The following WDR19 variants were observed in gnomAD, a reference collection of about 807,000 sequenced individuals.
WDR19 encodes WD repeat-containing protein 19.
In WDR19, 121 loss-of-function variants were observed where a neutral mutation model predicts 180.0. The ratio of observed to expected loss-of-function variants is 0.67; its 90% confidence interval spans 0.58 to 0.78. The LOEUF (loss-of-function observed/expected upper bound fraction) is 0.78. Ranked by LOEUF, WDR19 falls within the 30% of genes least tolerant of loss-of-function variation. The pLI, the probability that WDR19 is intolerant of heterozygous loss-of-function variation, is 0.00. For synonymous variants in WDR19, 497 were observed against 540.7 expected (o/e 0.92, Z 1.12); for missense variants, 1,450 against 1,640.7 (o/e 0.88, Z 2.01).
intron 6 of WDR19, among the ~76,000 whole-genome samples, chr4:39,200,710 C>T (rs140464168): frequency 2.1e-3 from 323 of 152,216 alleles, no homozygotes; most frequent in African/African-American, 7.1e-3. Flanking sequence ...ATATTTTGTT[C>T]TTTAGAAGTG....
chr4:39,226,166 T>C (rs548884283), intron 15 of WDR19, among the ~76,000 whole-genome samples: 16 of 152,112 alleles, frequency 1.1e-4, no homozygotes, highest in Non-Finnish European at 2.2e-4. Flanking sequence ...AGTAGGAGGG[T>C]AAATCAGGTA....
rs1408997142 is a variant in WDR19 at position 39,285,706 on chromosome 4, C to G, written c.*233C>G. 6.6e-6 allele frequency: 1 copy of G among 152,242 alleles called. No individual in the cohort carries two copies. The highest frequency in any genetic ancestry group is 2.1e-4 in the South Asian group (1 of 4,834). 9.4% of individuals were successfully genotyped at this position (152,242 alleles called of 1,614,324 possible). ...CTCTTCAAAGTCTTTCTTACACACTCTATCCTCTGCACTGTTAATAGTAAC... is the reference window on the plus strand; with the variant it reads ...CTCTTCAAAGTCTTTCTTACACACTGTATCCTCTGCACTGTTAATAGTAAC... On this transcript the variant is annotated 3_prime_UTR_variant, in exon 37 of 37. Coordinates refer to ENST00000399820, the MANE Select transcript of WDR19 (RefSeq NM_025132.4).
chr4:39,187,270 A>G (rs1158377235), intron 3 of WDR19, among the ~76,000 whole-genome samples: 1 of 152,082 alleles, frequency 6.6e-6, no homozygotes, highest in Non-Finnish European at 1.5e-5. Context: ...AATACAAAAA[A>G]GTAGCTGGGC....
chr4:39,220,698 C>T (rs1035913311), intron 14 of WDR19, among the ~76,000 whole-genome samples: 49 of 149,136 alleles, frequency 3.3e-4, no homozygotes, highest in Non-Finnish European at 5.7e-4. Flanking sequence ...TTAGTAGAGA[C>T]GGGGTTTCAT....
chr4:39,192,504 C>G (rs1340304539), intron 4 of WDR19, among the ~76,000 whole-genome samples: 4 of 152,190 alleles, frequency 2.6e-5, no homozygotes, highest in Admixed American at 1.3e-4. Context: ...GAGGCTCCCT[C>G]TTTTGCCCAG....
intron 9 of WDR19, among the ~76,000 whole-genome samples, chr4:39,213,012 T>C (rs1373447293): frequency 6.6e-6 from 1 of 152,128 alleles, no homozygotes; most frequent in East Asian, 1.9e-4. Flanking sequence ...ATTAGGGAAG[T>C]GCTAATTAAA....
At chr4:39,190,527 A>G (rs1560475124) in intron 4 of WDR19, among the ~76,000 whole-genome samples, 1 of 152,370 alleles carries the variant, frequency 6.6e-6, no homozygotes, top group East Asian at 1.9e-4. Flanking sequence ...TCTGTATGAC[A>G]TGGGTATAAC....
At chr4:39,245,580 TGTTGGCCTGAAGTGCCAGA>T in intron 24 of WDR19, 128 bp downstream of exon 24, 1 of 906,974 alleles carries the variant, frequency 1.1e-6, no homozygotes, top group Non-Finnish European at 1.7e-6. Flanking sequence ...AATTACCCCT[TGTTGGCCTGAAGTGCCAGA>T]CTATTAAAAT....
At chr4:39,196,024 G>A (rs1726710720) in intron 5 of WDR19, among the ~76,000 whole-genome samples, 2 of 152,126 alleles carry the variant, frequency 1.3e-5, no homozygotes. Flanking sequence ...ATATAAGGAG[G>A]AGGAGGAAGA....
intron 26 of WDR19, among the ~76,000 whole-genome samples, chr4:39,254,755 C>T (rs1259902303): frequency 6.6e-6 from 1 of 152,180 alleles, no homozygotes; most frequent in Admixed American, 6.5e-5. Flanking sequence ...CAGACTGTCC[C>T]TGTACCCGTT....
chr4:39,214,306 A>G (rs1237243987), intron 9 of WDR19, among the ~76,000 whole-genome samples: 2 of 152,166 alleles, frequency 1.3e-5, no homozygotes, highest in African/African-American at 2.4e-5. Context: ...CTTCAGGACA[A>G]TTTTAACCTC....
chr4:39,200,441 A>C (rs1227711144), intron 6 of WDR19, among the ~76,000 whole-genome samples: 1 of 152,196 alleles, frequency 6.6e-6, no homozygotes, highest in Non-Finnish European at 1.5e-5. Context: ...CTGCAGTTTC[A>C]TGTGAAGGCT....
At position 39,278,651 on chromosome 4, in the gene WDR19, T is replaced by C. The variant is rs901973435; in HGVS notation, c.*1T>C. The C allele has an allele frequency of 1.1e-5, 18 of 1,609,100 alleles. No homozygotes were observed. Among genetic ancestry groups the C allele is most frequent in the Non-Finnish European group, 1.4e-5 (16 of 1,176,618 alleles). ...CCTGCGAACGGAGGAGGAACTGTGA[T>C]TGGCACGTGCAGGTGAGTGGCAGAG... On this transcript the variant is annotated 3_prime_UTR_variant, in exon 36 of 37. Transcript: ENST00000399820.
intron 36 of WDR19, among the ~76,000 whole-genome samples, chr4:39,283,851 TTCTC>T (rs569766707): frequency 3.1e-4 from 47 of 152,322 alleles, no homozygotes; most frequent in Non-Finnish European, 4.6e-4. Context: ...TGGTGACTTC[TTCTC>T]TGTCTTTATT....
At chr4:39,206,219 C>G (rs189764578) in intron 9 of WDR19, 1 of 152,472 alleles carries the variant, frequency 6.6e-6, no homozygotes, top group Admixed American at 6.5e-5. Flanking sequence ...CTGGTTCTGG[C>G]TTAAGTTGCA....
At chr4:39,183,250 C>CGTTTTTTTT (rs1725144608) in intron 1 of WDR19, among the ~76,000 whole-genome samples, 1 of 79,224 alleles carries the variant, frequency 1.3e-5, no homozygotes, top group African/African-American at 5.0e-5. Flanking sequence ...AAATGGAAGG[C>CGTTTTTTTT]TTTTTTTTTT....
intron 24 of WDR19, among the ~76,000 whole-genome samples, chr4:39,251,452 C>T (rs1445148838): frequency 6.6e-6 from 1 of 151,392 alleles, no homozygotes; most frequent in Non-Finnish European, 1.5e-5. Context: ...TAGGCATGGG[C>T]AAGGACTTCA....
intron 34 of WDR19, among the ~76,000 whole-genome samples, chr4:39,277,604 T>C (rs1736025463): frequency 6.6e-6 from 1 of 152,220 alleles, no homozygotes; most frequent in Non-Finnish European, 1.5e-5. Flanking sequence ...ATTCAGGTAA[T>C]ATCACAAAAC....
chr4:39,228,892 A>G (rs1289640094), intron 17 of WDR19, among the ~76,000 whole-genome samples: 2 of 151,210 alleles, frequency 1.3e-5, no homozygotes, highest in Non-Finnish European at 2.9e-5. Context: ...CTTTTAATGT[A>G]CCCATCACCA....
Sources: allele counts gnomAD v4.1 joint callset (sites outside exome capture counted in the v4.1 genomes callset), GRCh38; gene constraint gnomAD v4.1.1; transcripts MANE v1.5; gene names NCBI Gene and HGNC (gene_info 2026-07-23, HGNC 2026-07-21).